The following IQGAP3 variants were observed in gnomAD, a reference collection of about 807,000 sequenced individuals.
IQGAP3 encodes the protein ras GTPase-activating-like protein IQGAP3.
IQGAP3 carries 165 observed loss-of-function variants against 208.2 expected under a neutral mutation model. That is an observed-to-expected ratio of 0.79 (90% CI 0.70 to 0.90). IQGAP3 has a LOEUF of 0.90. Among genes scored for constraint, IQGAP3 ranks in the 40% least tolerant of loss-of-function variants. The pLI is 0.00. For missense variants in IQGAP3, 1,811 were observed against 2,043.1 expected, an observed-to-expected ratio of 0.89 and a Z score of 2.19; for synonymous variants, 703 against 803.6, an observed-to-expected ratio of 0.87 and a Z score of 2.12.
rs542803471 is a variant in IQGAP3, at chr1:156,535,982, T to G, written c.3423-735A>C. On this transcript the variant is annotated intron_variant, in intron 27 of 37. Coordinates refer to ENST00000361170, the MANE Select transcript of IQGAP3 (RefSeq NM_178229.5). ...ATGTGCTAGACTGTATTATCATTATTATTCCTATTATGGATGTGCCACCTA... is the reference window on the plus strand; with the variant it reads ...ATGTGCTAGACTGTATTATCATTATGATTCCTATTATGGATGTGCCACCTA... Among the ~76,000 whole-genome samples the G allele has an allele frequency of 3.9e-5, 6 of 152,358 alleles. No homozygotes were observed. In the South Asian group the frequency reaches 1.2e-3, roughly 32 times the overall value.
intron 1 of IQGAP3, among the ~76,000 whole-genome samples, chr1:156,569,985 C>T (rs985331415): frequency 2.0e-5 from 3 of 152,158 alleles, no homozygotes; most frequent in African/African-American, 7.2e-5. Context: ...CTGTCCTCTT[C>T]CTCCTCAAGT....
At chr1:156,532,141 CT>C (rs571939868) in intron 32 of IQGAP3, among the ~76,000 whole-genome samples, 180 of 152,088 alleles carry the variant, frequency 1.2e-3, no homozygotes, top group Non-Finnish European at 2.1e-3. Flanking sequence ...AATCCCAGCA[CT>C]TTGGGAGGCC....
At chr1:156,563,862 C>T (rs752358465) in intron 5 of IQGAP3, 38 bp from the exon 6 acceptor site, 1 of 1,575,478 alleles carries the variant, frequency 6.3e-7, no homozygotes, top group Non-Finnish European at 8.7e-7. Flanking sequence ...GCACTGGGGC[C>T]TATTCATTTT....
intron 16 of IQGAP3, 57 bp from the exon 17 acceptor site, chr1:156,548,805 C>A: frequency 6.7e-7 from 1 of 1,482,918 alleles, no homozygotes; most frequent in Non-Finnish European, 9.0e-7. Flanking sequence ...CTCCCATGGG[C>A]CTTGGCCAGT....
At chr1:156,557,604 AG>A (rs1675901272) in intron 11 of IQGAP3, among the ~76,000 whole-genome samples, 1 of 59,408 alleles carries the variant, frequency 1.7e-5, no homozygotes, top group African/African-American at 5.1e-5. Context: ...CCCATCCGGG[AG>A]GGAGGTGGGG....
At chr1:156,570,799 A>G (rs1676613103) in intron 1 of IQGAP3, among the ~76,000 whole-genome samples, 1 of 152,236 alleles carries the variant, frequency 6.6e-6, no homozygotes, top group Non-Finnish European at 1.5e-5. Flanking sequence ...CGTGAACCAC[A>G]GCGCCCAAAG....
chr1:156,534,440 A>T lies in IQGAP3; in HGVS notation c.3740+61T>A, dbSNP rs1437943782. 4 of 1,248,368 alleles carry T rather than the reference A, an allele frequency of 3.2e-6. No individual in the cohort carries two copies. In the East Asian group the frequency reaches 9.4e-5, roughly 29 times the overall value. 77.3% of individuals were successfully genotyped at this position (1,248,368 alleles called of 1,614,324 possible). A position where few individuals can be genotyped will look rare whatever the true frequency, so the allele number is the denominator to read the frequency against. On this transcript the variant is annotated intron_variant, in intron 29 of 37. Coordinates refer to ENST00000361170, the MANE Select transcript of IQGAP3 (RefSeq NM_178229.5). Reference sequence around the variant, plus strand: ...GTCCTCATGGATTCTGGAGGGGACAAGTGGGATGTCAAAGGTGAGAAGAGG... The same window carrying T: ...GTCCTCATGGATTCTGGAGGGGACATGTGGGATGTCAAAGGTGAGAAGAGG...
In IQGAP3 at chr1:156,548,251, G is replaced by T. The variant is rs759543360; in HGVS notation, c.2134-8C>A. The T allele has an allele frequency of 1.9e-6, 3 of 1,612,856 alleles. No individual in the cohort carries two copies. The South Asian group carries it at 3.3e-5, about 18-fold the overall frequency. On this transcript the variant is annotated splice_region_variant and splice_polypyrimidine_tract_variant and intron_variant, in intron 18 of 37. Coordinates refer to ENST00000361170, the MANE Select transcript of IQGAP3 (RefSeq NM_178229.5). ...GACCTTGGTGACAGCTGACTGTGGAGGCAGGAGAGAGACGCTGTGGTCTTT... is the reference window on the plus strand; with the variant it reads ...GACCTTGGTGACAGCTGACTGTGGATGCAGGAGAGAGACGCTGTGGTCTTT...
intron 32 of IQGAP3, among the ~76,000 whole-genome samples, chr1:156,532,386 CAAAAAAAAA>C (rs11302550): frequency 1.2e-5 from 1 of 81,562 alleles, no homozygotes. Context: ...GACTCCATCT[CAAAAAAAAA>C]AAAAAAAAAA....
At chr1:156,565,908 A>G (rs917924490) in intron 4 of IQGAP3, 119 bp downstream of exon 4, 1 of 766,556 alleles carries the variant, frequency 1.3e-6, no homozygotes, top group African/African-American at 1.7e-5. Flanking sequence ...TCTTAGATTA[A>G]GTTAGTTTAG....
In IQGAP3 at chr1:156,534,251, C is replaced by T. The variant is rs901873396; in HGVS notation, c.3741-110G>A. ...CAGTGATTGCTCAGGCCAATTTGGA[C>T]TCTCCAGTCTCAGCTTCTGCCCTCT... On this transcript the variant is annotated intron_variant, in intron 29 of 37. Transcript: ENST00000361170. 8 of 1,512,410 alleles carry T rather than the reference C, an allele frequency of 5.3e-6. No homozygotes were observed. The African/African-American group carries it at 9.5e-5, about 18-fold the overall frequency. The allele number at this position is 1,512,410 out of a possible 1,614,324, so 93.7% of individuals were successfully genotyped here.
intron 13 of IQGAP3, among the ~76,000 whole-genome samples, chr1:156,552,502 A>C (rs978242468): frequency 1.3e-5 from 2 of 152,210 alleles, no homozygotes; most frequent in Non-Finnish European, 2.9e-5. Context: ...CTTAACCTGC[A>C]TGTCCCACCG....
chr1:156,562,064 C>T (rs1019750297), intron 9 of IQGAP3, 63 bp from the exon 10 acceptor site: 81 of 1,447,180 alleles, frequency 5.6e-5, no homozygotes, highest in Non-Finnish European at 3.9e-5. Flanking sequence ...TCCCCTAGTC[C>T]AGCCCTAGGA....
Position 156,540,845 on chromosome 1 carries a change from A to C in IQGAP3, c.2602T>G (p.Phe868Val), listed in dbSNP as rs750781339. The C allele has an allele frequency of 1.9e-6, 3 of 1,614,044 alleles. No homozygotes were observed. In the East Asian group the frequency reaches 6.7e-5, roughly 36 times the overall value. ...TTCAGCAGCTCTGCCTCAGCCAAGA[A>C]GTCTTGCTGGCTTTGATTCAAGAGA... ...AHLLNQSQQD[F>V]LAEAELLKLQ... Residue 868 changes from phenylalanine to valine, a missense_variant, in exon 23 of 38, where the codon TTC becomes GTC. Transcript: ENST00000361170.
intron 13 of IQGAP3, among the ~76,000 whole-genome samples, chr1:156,553,588 T>C (rs1440084644): frequency 6.7e-6 from 1 of 148,440 alleles, no homozygotes; most frequent in Non-Finnish European, 1.5e-5. Context: ...TTCTTTTTTT[T>C]TTTTTTTTTT....
chr1:156,534,160 T>G lies in IQGAP3; in HGVS notation c.3741-19A>C. ...GAACTTCCTGTCCAGAGGGCGGGCA[T>G]GTGAGAGAGCGGGGAGGGCCAGCAC... On this transcript the variant is annotated intron_variant, in intron 29 of 37. Coordinates refer to ENST00000361170, the MANE Select transcript of IQGAP3 (RefSeq NM_178229.5). 3.1e-6 allele frequency: 5 copies of G among 1,612,334 alleles called. No individual in the cohort carries two copies. Among genetic ancestry groups the G allele is most frequent in the Non-Finnish European group, 4.2e-6 (5 of 1,179,980 alleles).
intron 16 of IQGAP3, 144 bp downstream of exon 16, chr1:156,550,117 C>T: frequency 3.2e-6 from 2 of 621,804 alleles, no homozygotes; most frequent in South Asian, 1.9e-5. Context: ...GAACAGCAGC[C>T]CTCCTGCTCT....
intron 10 of IQGAP3, among the ~76,000 whole-genome samples, chr1:156,561,617 C>T (rs1676153206): frequency 6.6e-6 from 1 of 152,186 alleles, no homozygotes; most frequent in Non-Finnish European, 1.5e-5. Flanking sequence ...ACATTACTGC[C>T]TATGGGACTG....
In IQGAP3 at chr1:156,548,840, GA is replaced by G. The variant is rs1675405945; in HGVS notation, c.1826-93del. 4 of 1,294,218 alleles carry G rather than the reference GA, an allele frequency of 3.1e-6. No individual in the cohort carries two copies. In the Admixed American group the frequency reaches 8.5e-5, roughly 27 times the overall value. The allele number at this position is 1,294,218 out of a possible 1,614,324, so 80.2% of individuals were successfully genotyped here. A position where few individuals can be genotyped will look rare whatever the true frequency, so the allele number is the denominator to read the frequency against. ...TCCACTAGGGACAGATTCCATGAAA[GA>G]GGACACAAAATCACCCTTCTGAAGG... On this transcript the variant is annotated intron_variant, in intron 16 of 37. Transcript: ENST00000361170.
Sources: gnomAD v4.1 joint callset for allele counts (sites outside exome capture counted in the v4.1 genomes callset) on GRCh38, gnomAD v4.1.1 for gene constraint, MANE v1.5 for transcripts, NCBI Gene and HGNC (gene_info 2026-07-23, HGNC 2026-07-21) for gene names.